VARS2: variants seen among roughly 807,000 people sequenced by gnomAD.
VARS2 encodes the protein valyl-tRNA synthetase 2, mitochondrial.
Under a neutral mutation model 154.1 loss-of-function variants are expected in VARS2, and 105 were observed. That is an observed-to-expected ratio of 0.68 (90% confidence interval 0.58 to 0.80). VARS2 has a LOEUF of 0.80. Among genes scored for constraint, VARS2 ranks in the 30% least tolerant of loss-of-function variants. The pLI is 0.00. For synonymous variants in VARS2, 483 were observed against 539.5 expected, an observed-to-expected ratio of 0.90 and a Z score of 1.45; for missense variants, 1,157 against 1,361.4, an observed-to-expected ratio of 0.85 and a Z score of 2.36.
rs1166693117 is a variant in VARS2, at chr6:30,915,470, G to A, written c.384+15G>A. On this transcript the variant is annotated intron_variant, in intron 4 of 29. Coordinates refer to ENST00000676266, the MANE Select transcript of VARS2 (RefSeq NM_020442.6). ...CAGAATATCAGGTTAGTATCTGGCAGGGAGGGGTCCTAAATTGTCTCCAGG... is the reference window on the plus strand; with the variant it reads ...CAGAATATCAGGTTAGTATCTGGCAAGGAGGGGTCCTAAATTGTCTCCAGG... 1.2e-6 allele frequency: 2 copies of A among 1,611,420 alleles called. No individual in the cohort carries two copies. Among genetic ancestry groups the A allele is most frequent in the East Asian group, 2.2e-5 (1 of 44,890 alleles).
rs760594580 is a variant in VARS2, at chr6:30,915,750, G to A, written c.389G>A (p.Arg130Gln). The A allele has an allele frequency of 1.4e-5, 23 of 1,613,062 alleles. No homozygotes were observed. The Admixed American group carries it at 1.8e-4, about 13-fold the overall frequency. Residue 130 changes from arginine to glutamine, a missense_variant, in exon 5 of 30, where the codon CGG becomes CAG. Physicochemically the swap from Arg to Gln is conservative, Grantham distance 43 (BLOSUM62 1). Transcript: ENST00000676266. The part of the protein sequence containing the change: ...EGFFKPEYQA[R>Q]LPQATGETFS... ...TGACTTTTTTTCTTCCTCTAGGCCC[G>A]GCTGCCCCAAGCTACAGGGGAGACC...
rs1377661955 is a variant in VARS2, at chr6:30,925,579, C to G, written c.2821C>G (p.Leu941Val). Residue 941 changes from leucine to valine, a missense_variant, in exon 28 of 30, where the codon CTC (leucine) becomes GTC (valine). Leu to Val is a conservative substitution (Grantham distance 32). Transcript: ENST00000676266. Reference protein sequence around the residue: ...LQSSEPGDQGLFEAFLEPLGT... With the variant: ...LQSSEPGDQGVFEAFLEPLGT... ...GAGCTCAGAGCCTGGGGACCAGGGC[C>G]TCTTCGAGGCCTTCTTGGAGCCCCT... 1 of 1,605,096 alleles carries G rather than the reference C, an allele frequency of 6.2e-7. No individual in the cohort carries two copies. Among genetic ancestry groups the G allele is most frequent in the Non-Finnish European group, 8.5e-7 (1 of 1,177,468 alleles).
intron 1 of VARS2, chr6:30,914,559 C>T (rs1432568753): frequency 7.4e-7 from 1 of 1,346,526 alleles, no homozygotes; most frequent in Non-Finnish European, 9.6e-7. Flanking sequence ...AGCCCTATCT[C>T]TCATGTGTCA....
chr6:30,921,838 G>A lies in VARS2; in HGVS notation c.1736-87G>A, dbSNP rs1794532977. ...GGGGACAGCCCTGGTCTCTGGGGGTGGGGGTTGGCCTAGAATGGTGGCAGC... is the reference window on the plus strand; with the variant it reads ...GGGGACAGCCCTGGTCTCTGGGGGTAGGGGTTGGCCTAGAATGGTGGCAGC... On this transcript the variant is annotated intron_variant, in intron 18 of 29. Coordinates refer to ENST00000676266, the MANE Select transcript of VARS2 (RefSeq NM_020442.6). This position sits in a 1 kb window ranked among gnomAD's most constrained non-coding sequence, Gnocchi z 4.6. 2 of 1,576,696 alleles carry A rather than the reference G, an allele frequency of 1.3e-6. No individual in the cohort carries two copies. The highest frequency in any genetic ancestry group is 1.7e-6 in the Non-Finnish European group (2 of 1,149,564).
In VARS2 at chr6:30,925,532, C is replaced by A. The variant is rs1414982079; in HGVS notation, c.2786-12C>A. ...GCTGAGGCCTTGCCCCTGACAGTTT[C>A]TTTCTTTCCAGTGCTGCTGCAGAGC... On this transcript the variant is annotated splice_polypyrimidine_tract_variant and intron_variant, in intron 27 of 29. Transcript: ENST00000676266. 1.9e-6 allele frequency: 3 copies of A among 1,568,250 alleles called. No homozygotes were observed. The highest frequency in any genetic ancestry group is 3.9e-5 in the Admixed American group (2 of 51,520).
rs1270400704 is a variant in VARS2 at position 30,924,501 on chromosome 6, C to T, written c.2614C>T (p.Pro872Ser). 5.0e-6 allele frequency: 8 copies of T among 1,599,688 alleles called. No individual in the cohort carries two copies. The highest frequency in any genetic ancestry group is 6.0e-6 in the Non-Finnish European group (7 of 1,170,264). The change falls in exon 26 of 30, where the codon CCT (proline) becomes TCT (serine). Residue 872 changes from proline (P) to serine (S), a missense_variant. Coordinates refer to ENST00000676266, the MANE Select transcript of VARS2 (RefSeq NM_020442.6). ...GCTCTGGCAGAGGCTGCCCCCCAGGCCTGGTTGCCCCCCTGCCCCCAGCAT... is the reference window on the plus strand; with the variant it reads ...GCTCTGGCAGAGGCTGCCCCCCAGGTCTGGTTGCCCCCCTGCCCCCAGCAT... ...EELWQRLPPR[P>S]GCPPAPSISV...
At chr6:30,915,483 A>G (rs1386542513) in intron 4 of VARS2, 28 bp downstream of exon 4, 2 of 1,605,296 alleles carry the variant, frequency 1.2e-6, no homozygotes, top group Non-Finnish European at 1.7e-6. Flanking sequence ...AGGGGTCCTA[A>G]ATTGTCTCCA....
chr6:30,921,182 G>A lies in VARS2; in HGVS notation c.1556+41G>A, dbSNP rs369943412. The A allele has an allele frequency of 2.5e-6, 4 of 1,613,906 alleles. No homozygotes were observed. The Admixed American group carries it at 5.0e-5, about 20-fold the overall frequency. ...GGGGAGCTCTTGTGGAGATGGGGAG[G>A]GGGGACTGACTGGTTATTCTAAGAC... On this transcript the variant is annotated intron_variant, in intron 16 of 29. Coordinates refer to ENST00000676266, the MANE Select transcript of VARS2 (RefSeq NM_020442.6). This position sits in a 1 kb window ranked among gnomAD's most constrained non-coding sequence, Gnocchi z 4.6.
Position 30,916,960 on chromosome 6 carries a change from G to C in VARS2, c.753+1G>C. 1 of 1,614,210 alleles carries C rather than the reference G, an allele frequency of 6.2e-7. No individual in the cohort carries two copies. The highest frequency in any genetic ancestry group is 8.5e-7 in the Non-Finnish European group (1 of 1,180,042). ...TCGAGAGTGTTTTACCATGGATGTT[G>C]TGAGTGTTCTGTGCCTTGGTCCCTG... On this transcript the variant is annotated splice_donor_variant, in intron 8 of 29. Transcript: ENST00000676266. LOFTEE classifies it high-confidence loss of function. The surrounding 1 kb of genome is among the most constrained non-coding windows in gnomAD (Gnocchi z 4.0).
rs116118019 is a variant in VARS2, at chr6:30,924,465, C to G, written c.2578C>G (p.Leu860Val). 3 of 1,612,352 alleles carry G rather than the reference C, an allele frequency of 1.9e-6. No homozygotes were observed. The highest frequency in any genetic ancestry group is 2.2e-5 in the East Asian group (1 of 44,876). The change falls in exon 26 of 30, where the codon CTG becomes GTG. Residue 860 changes from leucine (L) to valine (V), a missense_variant. Transcript: ENST00000676266. Reference sequence around the variant, plus strand: ...CCTCCTGGCCCCACTGATGCCCTTCCTGGCTGAAGAGCTCTGGCAGAGGCT... The same window carrying G: ...CCTCCTGGCCCCACTGATGCCCTTCGTGGCTGAAGAGCTCTGGCAGAGGCT... ...LRLLAPLMPF[L>V]AEELWQRLPP... is the part of the protein sequence containing the mutation.
intron 10 of VARS2, 61 bp from the exon 11 acceptor site, chr6:30,918,766 A>G (rs1794327329): frequency 5.9e-6 from 7 of 1,182,164 alleles, no homozygotes; most frequent in Non-Finnish European, 7.4e-6. Flanking sequence ...GCCTTTAGCT[A>G]TGTTGGCAGT....
Position 30,925,709 on chromosome 6 carries a change from T to G in VARS2, c.2951T>G (p.Met984Arg). 1.9e-6 allele frequency: 3 copies of G among 1,610,960 alleles called. No homozygotes were observed. The highest frequency in any genetic ancestry group is 2.0e-4 in the Middle Eastern group (1 of 5,082). The change falls in exon 28 of 30, where the codon ATG becomes AGG. Residue 984 changes from methionine (M) to arginine (R), a missense_variant. Transcript: ENST00000676266. ...CTCAGTGACACGGCTCAAGTCTACA[T>G]GGAGCTGCAGGTGACCAGAGGGGAT... ...APLSDTAQVY[M>R]ELQGLVDPQI...
In VARS2 at chr6:30,926,353, G is replaced by A. The variant is rs1794838021; in HGVS notation, c.*143G>A. The A allele has an allele frequency of 3.5e-6, 3 of 855,748 alleles. No homozygotes were observed. The highest frequency in any genetic ancestry group is 5.5e-6 in the Non-Finnish European group (3 of 545,818). 53.0% of individuals were successfully genotyped at this position (855,748 alleles called of 1,614,324 possible). ...GTAAATGAGGACACAGACTGGCTTG[G>A]TCGCAGTGACTGTGGTGTCCTTGAG... On this transcript the variant is annotated 3_prime_UTR_variant, in exon 30 of 30. Coordinates refer to ENST00000676266, the MANE Select transcript of VARS2 (RefSeq NM_020442.6).
chr6:30,915,699 C>T (rs1321318297), intron 4 of VARS2, 47 bp from the exon 5 acceptor site: 1 of 1,607,130 alleles, frequency 6.2e-7, no homozygotes, highest in African/African-American at 1.3e-5. Context: ...GTGCTCTTTC[C>T]CCAATCCAAT....
In VARS2 at chr6:30,925,884, T is replaced by G. The variant is rs1237465186; in HGVS notation, c.2966T>G (p.Leu989Arg). 3.1e-6 allele frequency: 5 copies of G among 1,612,676 alleles called. No homozygotes were observed. The highest frequency in any genetic ancestry group is 4.2e-6 in the Non-Finnish European group (5 of 1,180,028). The part of the protein sequence containing the change: ...TAQVYMELQG[L>R]VDPQIQLPLL... Reference sequence around the variant, plus strand: ...TTTCTCCCTGTTCTTCCCCAGGGCCTGGTGGACCCGCAGATCCAGCTACCT... The same window carrying G: ...TTTCTCCCTGTTCTTCCCCAGGGCCGGGTGGACCCGCAGATCCAGCTACCT... The change falls in exon 29 of 30, where the codon CTG (leucine) becomes CGG (arginine). Residue 989 changes from leucine to arginine, a missense_variant. Transcript: ENST00000676266.
chr6:30,920,963 C>T lies in VARS2; in HGVS notation c.1480-102C>T, dbSNP rs1300415860. The stretch of plus-strand genomic sequence containing the variant: ...AATCTTGGCAAGAGGCTTGGGAGGT[C>T]CTTTCTGAGTTTTAAAATGACCTCA... On this transcript the variant is annotated intron_variant, in intron 15 of 29. Coordinates refer to ENST00000676266, the MANE Select transcript of VARS2 (RefSeq NM_020442.6). The surrounding 1 kb of genome is among the most constrained non-coding windows in gnomAD (Gnocchi z 4.6). 2.3e-6 allele frequency: 3 copies of T among 1,332,174 alleles called. No individual in the cohort carries two copies. Among genetic ancestry groups the T allele is most frequent in the Non-Finnish European group, 3.0e-6 (3 of 984,364 alleles). 82.5% of individuals were successfully genotyped at this position (1,332,174 alleles called of 1,614,324 possible). A position where few individuals can be genotyped will look rare whatever the true frequency, so the allele number is the denominator to read the frequency against.
In VARS2 at chr6:30,916,186, G is replaced by T. The variant is rs745703050; in HGVS notation, c.608G>T (p.Gly203Val). Residue 203 changes from glycine to valine, a missense_variant, in exon 7 of 30, where the codon GGA becomes GTA. Physicochemically the swap from Gly to Val is moderately radical, Grantham distance 109. Transcript: ENST00000676266. The surrounding 1 kb of genome is among the most constrained non-coding windows in gnomAD (Gnocchi z 4.0). ...GAGAAACAACTGTGGAAGGAACGGG[G>T]AGTGAGGAGACATGAGCTGAGCCGG... ...VVEKQLWKER[G>V]VRRHELSREA... 46 of 1,613,916 alleles carry T rather than the reference G, an allele frequency of 2.9e-5. No individual in the cohort carries two copies. The highest frequency in any genetic ancestry group is 3.8e-5 in the Non-Finnish European group (45 of 1,179,968).
chr6:30,917,062 GC>G lies in VARS2; in HGVS notation c.754-42del. 3.7e-6 allele frequency: 6 copies of G among 1,614,200 alleles called. No individual in the cohort carries two copies. Among genetic ancestry groups the G allele is most frequent in the Non-Finnish European group, 5.1e-6 (6 of 1,180,016 alleles). On this transcript the variant is annotated intron_variant, in intron 8 of 29. Coordinates refer to ENST00000676266, the MANE Select transcript of VARS2 (RefSeq NM_020442.6). This position sits in a 1 kb window ranked among gnomAD's most constrained non-coding sequence, Gnocchi z 4.4. ...CCTGGGTCCCTGAGCAGGGTGATGG[GC>G]TGAGAAGTGGCTCTTAGAGGTGGAC...
Position 30,920,013 on chromosome 6 carries a change from G to T in VARS2, c.1166-76G>T, listed in dbSNP as rs369627185. 4.0e-6 allele frequency: 6 copies of T among 1,505,284 alleles called. No homozygotes were observed. The highest frequency in any genetic ancestry group is 2.3e-5 in the East Asian group (1 of 43,354). 93.2% of individuals were successfully genotyped at this position (1,505,284 alleles called of 1,614,324 possible). ...AGAAAGTCGCAGGGGCTGGGGCGGT[G>T]CAGGTGATGATGATACATCTGGAAA... is the stretch of plus-strand genomic sequence containing the variant. On this transcript the variant is annotated intron_variant, in intron 12 of 29. Transcript: ENST00000676266. The surrounding 1 kb of genome is among the most constrained non-coding windows in gnomAD (Gnocchi z 4.6).
Sources: allele counts gnomAD v4.1 joint callset, GRCh38; gene constraint gnomAD v4.1.1; non-coding constraint Gnocchi (gnomAD v3.1); transcripts MANE v1.5; gene names NCBI Gene and HGNC (gene_info 2026-07-23, HGNC 2026-07-21).